Variants in ADAMTS12 observed in about 807,000 individuals in gnomAD.
ADAMTS12 encodes A disintegrin and metalloproteinase with thrombospondin motifs 12.
In ADAMTS12, 118 loss-of-function variants were observed where a neutral mutation model predicts 167.8. That is an observed-to-expected ratio of 0.70 (90% CI 0.61 to 0.82). The LOEUF is 0.82. Among genes scored for constraint, ADAMTS12 ranks in the 40% least tolerant of loss-of-function variants. The pLI, the probability that ADAMTS12 is intolerant of heterozygous loss-of-function variation, is 0.00. For missense variants in ADAMTS12, 1,916 were observed against 1,998.8 expected (o/e 0.96, Z 0.79); for synonymous variants, 704 against 716.9 (o/e 0.98, Z 0.29).
chr5:33,550,520 C>T (rs904252867), intron 20 of ADAMTS12, among the ~76,000 whole-genome samples: 4 of 152,116 alleles, frequency 2.6e-5, no homozygotes, highest in Admixed American at 6.5e-5. Context: ...AGGTTCTCCT[C>T]GGGTTAATAC....
At chr5:33,742,853 GTA>G (rs1458296563) in intron 3 of ADAMTS12, among the ~76,000 whole-genome samples, 1 of 152,210 alleles carries the variant, frequency 6.6e-6, no homozygotes. Flanking sequence ...AAGCGAGAAA[GTA>G]TTTGCCTGGA....
chr5:33,563,463 G>C (rs1452255608), intron 19 of ADAMTS12, among the ~76,000 whole-genome samples: 1 of 152,156 alleles, frequency 6.6e-6, no homozygotes, highest in Non-Finnish European at 1.5e-5. Flanking sequence ...ACCTGGGCTG[G>C]CCTGCTGGAG....
intron 2 of ADAMTS12, among the ~76,000 whole-genome samples, chr5:33,831,418 T>C (rs2111555797): frequency 6.6e-6 from 1 of 152,328 alleles, no homozygotes. Flanking sequence ...GTTACCTGCC[T>C]AGCAAAAATA....
chr5:33,670,359 G>A (rs1741631227), intron 5 of ADAMTS12, among the ~76,000 whole-genome samples: 1 of 152,198 alleles, frequency 6.6e-6, no homozygotes, highest in African/African-American at 2.4e-5. Context: ...ATGCTGGTGA[G>A]GATGAGGTAA....
At chr5:33,738,697 A>G (rs1234210843) in intron 3 of ADAMTS12, among the ~76,000 whole-genome samples, 1 of 152,224 alleles carries the variant, frequency 6.6e-6, no homozygotes, top group Non-Finnish European at 1.5e-5. Context: ...CAGTTTCCAC[A>G]TCGCAGCACT....
chr5:33,646,382 T>C (rs1169966299), intron 9 of ADAMTS12, among the ~76,000 whole-genome samples: 2 of 152,104 alleles, frequency 1.3e-5, no homozygotes, highest in African/African-American at 2.4e-5. Context: ...CTGGAGACAA[T>C]GTGTAGGGCC....
intron 2 of ADAMTS12, among the ~76,000 whole-genome samples, chr5:33,796,645 A>C (rs1489464805): frequency 6.6e-6 from 1 of 152,152 alleles, no homozygotes; most frequent in African/African-American, 2.4e-5. Context: ...TGTCACTTCC[A>C]GGCCAGACCA....
chr5:33,875,948 G>T lies in ADAMTS12; in HGVS notation c.489+5171C>A, dbSNP rs1200651392. Reference sequence around the variant, plus strand: ...AAAAAAACCATCTTAGGGTTAATAAGACAGTTTAGCAAATTCACAGTATAT... The same window carrying T: ...AAAAAAACCATCTTAGGGTTAATAATACAGTTTAGCAAATTCACAGTATAT... On this transcript the variant is annotated intron_variant, in intron 2 of 23. Coordinates refer to ENST00000504830, the MANE Select transcript of ADAMTS12 (RefSeq NM_030955.4). Among the ~76,000 whole-genome samples the T allele has an allele frequency of 2.6e-5, 4 of 152,184 alleles. No individual in the cohort carries two copies. In the East Asian group the frequency reaches 7.7e-4, roughly 29 times the overall value.
At chr5:33,694,091 T>G (rs1742658550) in intron 3 of ADAMTS12, among the ~76,000 whole-genome samples, 1 of 152,322 alleles carries the variant, frequency 6.6e-6, no homozygotes, top group East Asian at 1.9e-4. Context: ...GGAATACAGC[T>G]GACCAGGCAG....
intron 2 of ADAMTS12, among the ~76,000 whole-genome samples, chr5:33,803,740 T>G (rs1246378230): frequency 6.6e-6 from 1 of 152,210 alleles, no homozygotes; most frequent in Non-Finnish European, 1.5e-5. Context: ...AGACGCATCT[T>G]ACACGGCAGC....
At chr5:33,696,572 T>C (rs913426163) in intron 3 of ADAMTS12, among the ~76,000 whole-genome samples, 2 of 152,162 alleles carry the variant, frequency 1.3e-5, no homozygotes, top group Non-Finnish European at 2.9e-5. Context: ...GGCAGCCTGG[T>C]TGGTTTTTCC....
intron 19 of ADAMTS12, among the ~76,000 whole-genome samples, chr5:33,569,762 T>C (rs1046981830): frequency 6.6e-6 from 1 of 152,066 alleles, no homozygotes; most frequent in Non-Finnish European, 1.5e-5. Context: ...TTTTGATGAG[T>C]TGAGAGAAGA....
intron 1 of ADAMTS12, among the ~76,000 whole-genome samples, chr5:33,881,737 T>G (rs1180569175): frequency 9.7e-6 from 1 of 102,610 alleles, no homozygotes; most frequent in Non-Finnish European, 1.7e-5. Context: ...TAATTTTGTT[T>G]TTTTTTTTTT....
rs930969977 is a variant in ADAMTS12, at chr5:33,581,140, C to T, written c.2866-3980G>A. On this transcript the variant is annotated intron_variant, in intron 18 of 23. Transcript: ENST00000504830. ...ACGCTTCTTCTAGTACATCTTCCAACGTGTTTATCTCCTTAGGAGCTGTCA... is the reference window on the plus strand; with the variant it reads ...ACGCTTCTTCTAGTACATCTTCCAATGTGTTTATCTCCTTAGGAGCTGTCA... Among the ~76,000 whole-genome samples, 4 of 152,316 alleles carry T rather than the reference C, an allele frequency of 2.6e-5. No homozygotes were observed. The East Asian group carries it at 5.8e-4, about 22-fold the overall frequency.
intron 2 of ADAMTS12, among the ~76,000 whole-genome samples, chr5:33,828,614 T>C (rs1459468267): frequency 6.6e-6 from 1 of 152,216 alleles, no homozygotes; most frequent in East Asian, 1.9e-4. Context: ...CTTTTACCTT[T>C]CACGTTTCAG....
At chr5:33,572,348 A>C (rs1746402515) in intron 19 of ADAMTS12, among the ~76,000 whole-genome samples, 1 of 152,230 alleles carries the variant, frequency 6.6e-6, no homozygotes, top group South Asian at 2.1e-4. Flanking sequence ...AAAAATCCTC[A>C]ATAAAATACT....
At position 33,637,640 on chromosome 5, in the gene ADAMTS12, T is replaced by C. The variant is rs202170770; in HGVS notation, c.1825A>G (p.Ser609Gly). The C allele has an allele frequency of 8.1e-6, 13 of 1,613,824 alleles. No homozygotes were observed. Among genetic ancestry groups the C allele is most frequent in the East Asian group, 2.2e-5 (1 of 44,870 alleles). ...EAPTFRQMQC[S>G]EFDTVPYKNE... Reference sequence around the variant, plus strand: ...TTGTAGGGAACAGTGTCAAATTCACTGCACTGCATCTGCCGAAATGTTGGT... The same window carrying C: ...TTGTAGGGAACAGTGTCAAATTCACCGCACTGCATCTGCCGAAATGTTGGT... Residue 609 changes from serine (S) to glycine (G), a missense_variant, in exon 12 of 24, where the codon AGT (serine) becomes GGT (glycine). By Grantham distance (56) the Ser-to-Gly change is moderately conservative (BLOSUM62 0). Coordinates refer to ENST00000504830, the MANE Select transcript of ADAMTS12 (RefSeq NM_030955.4).
chr5:33,857,149 A>C (rs1749429902), intron 2 of ADAMTS12, among the ~76,000 whole-genome samples: 2 of 152,234 alleles, frequency 1.3e-5, no homozygotes, highest in Non-Finnish European at 1.5e-5. Context: ...CGTTAAGTGA[A>C]GTAAGGCAGC....
chr5:33,855,727 G>T (rs573451141), intron 2 of ADAMTS12, among the ~76,000 whole-genome samples: 3 of 151,750 alleles, frequency 2.0e-5, no homozygotes, highest in East Asian at 1.9e-4. Flanking sequence ...TATCTTTTTT[G>T]TTGTTGTTGT....
Sources: gnomAD v4.1 joint callset for allele counts (sites outside exome capture counted in the v4.1 genomes callset) on GRCh38, gnomAD v4.1.1 for gene constraint, MANE v1.5 for transcripts, NCBI Gene and HGNC (gene_info 2026-07-23, HGNC 2026-07-21) for gene names.